SIRPG: variants seen among roughly 807,000 people sequenced by gnomAD.
The protein encoded by SIRPG is signal-regulatory protein gamma.
Under a neutral mutation model 35.7 loss-of-function variants are expected in SIRPG, and 38 were observed. That is an observed-to-expected ratio of 1.06 (90% CI 0.82 to 1.40). The LOEUF (loss-of-function observed/expected upper bound fraction) is 1.40. Among genes scored for constraint, SIRPG ranks in the 40% most tolerant of loss-of-function variants. The pLI, the probability that SIRPG is intolerant of heterozygous loss-of-function variation, is 0.00. For missense variants in SIRPG, 519 were observed against 483.0 expected, an observed-to-expected ratio of 1.07 and a Z score of -0.70; for synonymous variants, 215 against 190.4, an observed-to-expected ratio of 1.13 and a Z score of -1.06.
intron 2 of SIRPG, chr20:1,637,410 C>T (rs927854837): frequency 2.1e-4 from 35 of 169,468 alleles, no homozygotes; most frequent in Admixed American, 6.5e-5. Context: ...CCAATTCATA[C>T]GAGTTTGCAG....
chr20:1,647,362 T>A (rs1454112696), intron 2 of SIRPG: 1 of 152,410 alleles, frequency 6.6e-6, no homozygotes, highest in Admixed American at 6.5e-5. Context: ...TGGCTGTGAC[T>A]GCCTGGGCTG....
intron 1 of SIRPG, among the ~76,000 whole-genome samples, chr20:1,652,156 AAC>A (rs1426133241): frequency 1.1e-3 from 167 of 152,210 alleles, no homozygotes; most frequent in African/African-American, 3.7e-3. Context: ...CAAAAAATAA[AAC>A]AAAACAAAAA....
rs779361957 is a variant in SIRPG, at chr20:1,636,498, G to A, written c.438C>T (p.Pro146=). ...PGTEMALGAK[P]SAPVVLGPAA... ...CAGGGCCCAATACCACGGGGGCAGA[G>A]GGTTTGGCTACAAAAGGGGCATCGA... is the stretch of plus-strand genomic sequence containing the variant. The change falls in exon 3 of 6, where the codon CCC becomes CCT. Residue 146 remains proline, a synonymous_variant. Transcript: ENST00000303415. 1.5e-5 allele frequency: 25 copies of A among 1,614,070 alleles called. 2 individuals carry two copies. In the South Asian group the frequency reaches 2.5e-4, roughly 16 times the overall value.
At chr20:1,631,422 A>T (rs949077669) in intron 4 of SIRPG, among the ~76,000 whole-genome samples, 8 of 152,130 alleles carry the variant, frequency 5.3e-5, no homozygotes, top group African/African-American at 1.9e-4. Context: ...AAAACACTAC[A>T]TGACGCTCTC....
At chr20:1,670,943 C>T in the SIRPG span, 1 of 346,030 alleles carries the variant, frequency 2.9e-6, no homozygotes, top group East Asian at 9.4e-5. Context: ...GTGATGTGGG[C>T]CACCTCGCAG....
At chr20:1,643,502 G>C (rs546737237) in intron 2 of SIRPG, among the ~76,000 whole-genome samples, 1 of 152,046 alleles carries the variant, frequency 6.6e-6, no homozygotes, top group African/African-American at 2.4e-5. Context: ...GCTTCTTTGC[G>C]TTGGGTTAGA....
chr20:1,636,170 G>A lies in SIRPG; in HGVS notation c.748+18C>T, dbSNP rs1407464261. ...GACAGCCAGGTGTGGGCTTGGGCTG[G>A]GTGTGAGGGTCCTCTACCTCGGATG... On this transcript the variant is annotated intron_variant, in intron 3 of 5. Transcript: ENST00000303415. 7.4e-6 allele frequency: 12 copies of A among 1,613,622 alleles called. No individual in the cohort carries two copies. Among genetic ancestry groups the A allele is most frequent in the Non-Finnish European group, 8.5e-6 (10 of 1,179,898 alleles).
At chr20:1,649,020 C>T (rs1442206788) in intron 2 of SIRPG, 32 bp downstream of exon 2, 1 of 1,553,964 alleles carries the variant, frequency 6.4e-7, no homozygotes. Flanking sequence ...TGTCACACAT[C>T]AGGGGATGAG....
At chr20:1,668,515 C>T in the SIRPG span, among the ~76,000 whole-genome samples, 13 of 152,006 alleles carry the variant, frequency 8.6e-5, no homozygotes, top group East Asian at 5.8e-4. Context: ...ATCTCTTGAC[C>T]GCATGATCCA....
At chr20:1,674,544 G>A in the SIRPG span, among the ~76,000 whole-genome samples, 1 of 152,172 alleles carries the variant, frequency 6.6e-6, no homozygotes, top group Non-Finnish European at 1.5e-5. Flanking sequence ...CCAGAGCCCG[G>A]AAGTGGCCCA....
At chr20:1,634,936 G>A (rs957458890) in intron 4 of SIRPG, among the ~76,000 whole-genome samples, 1 of 151,628 alleles carries the variant, frequency 6.6e-6, no homozygotes, top group African/African-American at 2.4e-5. Context: ...CCAGCTACTC[G>A]GGAGGCTGAG....
At chr20:1,645,028 A>G (rs1193393859) in intron 2 of SIRPG, among the ~76,000 whole-genome samples, 1 of 152,162 alleles carries the variant, frequency 6.6e-6, no homozygotes, top group Admixed American at 6.5e-5. Flanking sequence ...GTTTTGAGGC[A>G]GGGAGACTTT....
At chr20:1,641,004 A>C (rs536259834) in intron 2 of SIRPG, among the ~76,000 whole-genome samples, 27 of 152,246 alleles carry the variant, frequency 1.8e-4, no homozygotes, top group African/African-American at 5.5e-4. Context: ...TGCGGGATTC[A>C]GTTTGCCAGT....
upstream of SIRPG, among the ~76,000 whole-genome samples, chr20:1,660,991 T>G (rs1376419671): frequency 1.3e-5 from 2 of 152,180 alleles, no homozygotes; most frequent in Non-Finnish European, 2.9e-5. Flanking sequence ...AATCATACCA[T>G]CTTCATAAGT....
chr20:1,664,849 C>T, the SIRPG span, among the ~76,000 whole-genome samples: 22 of 152,146 alleles, frequency 1.4e-4, no homozygotes, highest in African/African-American at 3.4e-4. Flanking sequence ...ATCCCTTCCA[C>T]GCAGGCACTC....
upstream of SIRPG, among the ~76,000 whole-genome samples, chr20:1,658,565 T>C (rs1334105822): frequency 6.6e-6 from 1 of 152,162 alleles, no homozygotes; most frequent in Non-Finnish European, 1.5e-5. Flanking sequence ...GAAAAATCCA[T>C]GCTCCTGCCA....
chr20:1,672,913 A>C, the SIRPG span, among the ~76,000 whole-genome samples: 2 of 152,312 alleles, frequency 1.3e-5, no homozygotes, highest in Non-Finnish European at 2.9e-5. Flanking sequence ...TCATTAGTTA[A>C]CTACAAGAAA....
At chr20:1,671,092 GT>G in the SIRPG span, 1 of 430,764 alleles carries the variant, frequency 2.3e-6, no homozygotes, top group Non-Finnish European at 4.7e-6. Flanking sequence ...CCATTTCAGG[GT>G]GGTGTTTCAG....
At chr20:1,657,349 C>T (rs2091981585) in intron 1 of SIRPG, among the ~76,000 whole-genome samples, 1 of 152,154 alleles carries the variant, frequency 6.6e-6, no homozygotes, top group Non-Finnish European at 1.5e-5. Flanking sequence ...GGTAGGAGGA[C>T]TCAAGACAGG....
Sources: gnomAD v4.1 joint callset for allele counts (sites outside exome capture counted in the v4.1 genomes callset) on GRCh38, gnomAD v4.1.1 for gene constraint, MANE v1.5 for transcripts, NCBI Gene and HGNC (gene_info 2026-07-23, HGNC 2026-07-21) for gene names.